Variants in LIN9 observed in about 807,000 individuals in gnomAD.
LIN9 encodes the protein lin-9 DREAM MuvB core complex component.
A neutral mutation model predicts 78.0 loss-of-function variants in LIN9; 18 were observed. The ratio of observed to expected loss-of-function variants is 0.23; its 90% CI spans 0.16 to 0.34. LIN9 has a LOEUF of 0.34. Among genes scored for constraint, LIN9 ranks in the 10% least tolerant of loss-of-function variants. The pLI, the probability that LIN9 is intolerant of heterozygous loss-of-function variation, is 1.00. For synonymous variants in LIN9, 192 were observed against 215.2 expected (o/e 0.89, Z 0.94); for missense variants, 451 against 644.1 (o/e 0.70, Z 3.25).
intron 5 of LIN9, among the ~76,000 whole-genome samples, chr1:226,286,790 A>G (rs1661403420): frequency 6.6e-6 from 1 of 152,206 alleles, no homozygotes; most frequent in South Asian, 2.1e-4. Context: ...CTTTGTCCCA[A>G]AGGAATACCA....
At chr1:226,306,683 G>T (rs1662938182) in intron 1 of LIN9, among the ~76,000 whole-genome samples, 1 of 152,096 alleles carries the variant, frequency 6.6e-6, no homozygotes, top group Non-Finnish European at 1.5e-5. Flanking sequence ...CTCAATAAAT[G>T]GTAGCTTTCA....
At chr1:226,246,719 G>A (rs900588144) in intron 11 of LIN9, among the ~76,000 whole-genome samples, 3 of 151,316 alleles carry the variant, frequency 2.0e-5, no homozygotes, top group Admixed American at 1.3e-4. Context: ...TGTGAATCTG[G>A]GAGTCGGAGC....
At chr1:226,249,826 T>C (rs1163611019) in intron 11 of LIN9, among the ~76,000 whole-genome samples, 1 of 152,224 alleles carries the variant, frequency 6.6e-6, no homozygotes, top group East Asian at 1.9e-4. Flanking sequence ...TGAATTTCAT[T>C]ACAATTCAAA....
At chr1:226,239,229 T>C (rs1428488152) in intron 11 of LIN9, 133 bp from the exon 12 acceptor site, 3 of 837,982 alleles carry the variant, frequency 3.6e-6, no homozygotes, top group Non-Finnish European at 5.5e-6. Flanking sequence ...TTAATTGTTA[T>C]AGTCTTGTCT....
chr1:226,264,622 G>A (rs1318289668), intron 10 of LIN9, among the ~76,000 whole-genome samples: 6 of 152,130 alleles, frequency 3.9e-5, no homozygotes, highest in Non-Finnish European at 8.8e-5. Flanking sequence ...AAGGTGGGGG[G>A]ATCACTTGAA....
At chr1:226,277,424 G>A (rs1267805567) in intron 7 of LIN9, among the ~76,000 whole-genome samples, 1 of 152,122 alleles carries the variant, frequency 6.6e-6, no homozygotes, top group Non-Finnish European at 1.5e-5. Context: ...CAGAGCTACA[G>A]TTTAAGCTTT....
chr1:226,240,394 T>G (rs1029681512), intron 11 of LIN9, among the ~76,000 whole-genome samples: 7 of 151,374 alleles, frequency 4.6e-5, no homozygotes, highest in African/African-American at 1.7e-4. Context: ...AAGTTTTTTT[T>G]TTTTTTTTTT....
At chr1:226,236,796 C>G (rs1369356687) in intron 12 of LIN9, among the ~76,000 whole-genome samples, 1 of 152,148 alleles carries the variant, frequency 6.6e-6, no homozygotes, top group African/African-American at 2.4e-5. Context: ...TTGTGAGATC[C>G]ATCTATGGCA....
Position 226,232,454 on chromosome 1 carries a change from C to T in LIN9, c.*47G>A, listed in dbSNP as rs376836901. 3.1e-6 allele frequency: 4 copies of T among 1,285,710 alleles called. No individual in the cohort carries two copies. Among genetic ancestry groups the T allele is most frequent in the Non-Finnish European group, 4.5e-6 (4 of 898,858 alleles). The allele number at this position is 1,285,710 out of a possible 1,614,324, so 79.6% of individuals were successfully genotyped here. A position where few individuals can be genotyped will look rare whatever the true frequency, so the allele number is the denominator to read the frequency against. On this transcript the variant is annotated 3_prime_UTR_variant, in exon 15 of 15. Transcript: ENST00000681046. ...TGGAAGCCTATATAAAGGAAAAGAA[C>T]TTCTCAAAAACAATGTCCCGTGCAG... is the stretch of plus-strand genomic sequence containing the variant.
chr1:226,299,186 C>T (rs2254723), intron 2 of LIN9, among the ~76,000 whole-genome samples: 44,711 of 151,672 alleles, frequency 0.29, 6,681 homozygotes, highest in Middle Eastern at 0.33. Flanking sequence ...AAGAAATGTA[C>T]GTTACTTATA....
intron 1 of LIN9, among the ~76,000 whole-genome samples, chr1:226,302,318 C>T (rs942472932): frequency 6.6e-5 from 10 of 151,910 alleles, no homozygotes; most frequent in East Asian, 1.9e-4. Flanking sequence ...CCGAGGTGGG[C>T]GGATCACAAG....
chr1:226,259,442 T>A (rs375421308), intron 10 of LIN9, among the ~76,000 whole-genome samples: 6 of 152,048 alleles, frequency 3.9e-5, no homozygotes, highest in East Asian at 3.9e-4. Context: ...TACCATCAAT[T>A]AACTGGATAT....
At chr1:226,286,302 T>C in intron 6 of LIN9, 31 bp downstream of exon 6, 3 of 1,597,446 alleles carry the variant, frequency 1.9e-6, no homozygotes, top group South Asian at 1.1e-5. Flanking sequence ...CTTGATTTTA[T>C]TTTAAACAAA....
intron 4 of LIN9, among the ~76,000 whole-genome samples, chr1:226,291,357 CA>C (rs900320681): frequency 6.6e-6 from 1 of 150,982 alleles, no homozygotes; most frequent in Non-Finnish European, 1.5e-5. Flanking sequence ...GGCCAGATCT[CA>C]AAAAAAGACA....
rs141137602 is a variant in LIN9, at chr1:226,309,146, C to T, written c.-7G>A. On this transcript the variant is annotated 5_prime_UTR_variant, in exon 1 of 15. Transcript: ENST00000681046. ...ACTGGTCGAGCTCCGCCATCTTGAACGAGCCGCGCCGCTTTTTCAAAGGCT... is the reference window on the plus strand; with the variant it reads ...ACTGGTCGAGCTCCGCCATCTTGAATGAGCCGCGCCGCTTTTTCAAAGGCT... The T allele has an allele frequency of 1.1e-4, 145 of 1,370,538 alleles. No individual in the cohort carries two copies. In the African/African-American group the frequency reaches 1.6e-3, roughly 15 times the overall value. The allele number at this position is 1,370,538 out of a possible 1,614,324, so 84.9% of individuals were successfully genotyped here. A position where few individuals can be genotyped will look rare whatever the true frequency, so the allele number is the denominator to read the frequency against.
chr1:226,239,195 T>A, intron 11 of LIN9, 99 bp from the exon 12 acceptor site: 1 of 1,173,264 alleles, frequency 8.5e-7, no homozygotes, highest in Non-Finnish European at 1.2e-6. Flanking sequence ...AAAAGCAAAC[T>A]AAAGGTTATT....
intron 7 of LIN9, among the ~76,000 whole-genome samples, chr1:226,275,767 C>T (rs1202557518): frequency 6.6e-6 from 1 of 151,586 alleles, no homozygotes; most frequent in East Asian, 1.9e-4. Flanking sequence ...CCTGTAATCC[C>T]AACACTTTGG....
At chr1:226,256,846 C>T (rs1013854866) in intron 10 of LIN9, among the ~76,000 whole-genome samples, 6 of 151,900 alleles carry the variant, frequency 3.9e-5, no homozygotes, top group East Asian at 3.9e-4. Flanking sequence ...CATGAGCCAC[C>T]GCACCCGGCC....
intron 12 of LIN9, among the ~76,000 whole-genome samples, chr1:226,238,167 T>C (rs1657858607): frequency 6.6e-6 from 1 of 152,184 alleles, no homozygotes; most frequent in Non-Finnish European, 1.5e-5. Flanking sequence ...CTGTTATCTA[T>C]GTATTTGAAA....
Sources: allele counts gnomAD v4.1 joint callset (sites outside exome capture counted in the v4.1 genomes callset), GRCh38; gene constraint gnomAD v4.1.1; transcripts MANE v1.5; gene names NCBI Gene and HGNC (gene_info 2026-07-23, HGNC 2026-07-21).